SPANXN4: variants seen among roughly 807,000 people sequenced by gnomAD.
The protein encoded by SPANXN4 is sperm protein associated with the nucleus on the X chromosome N4.
SPANXN4 carries 5 observed loss-of-function variants against 6.0 expected under a neutral mutation model. The observed-to-expected ratio is 0.83, with a 90% confidence interval of 0.44 to 1.75. The LOEUF (loss-of-function observed/expected upper bound fraction) is 1.75. Among genes scored for constraint, SPANXN4 ranks in the 40% most tolerant of loss-of-function variants. The pLI is 0.02. For missense variants in SPANXN4, 157 were observed against 108.6 expected, an observed-to-expected ratio of 1.45 and a Z score of -1.98; for synonymous variants, 45 against 38.0, an observed-to-expected ratio of 1.19 and a Z score of -0.68.
intron 1 of SPANXN4, among the ~76,000 whole-genome samples, chrX:143,033,592 T>A (rs1348966222): frequency 9.0e-6 from 1 of 111,471 alleles, no homozygotes; most frequent in Non-Finnish European, 1.9e-5. Flanking sequence ...TGGCAGGATA[T>A]TGATAAGATA....
intron 1 of SPANXN4, among the ~76,000 whole-genome samples, chrX:143,028,316 G>A (rs1284819263): frequency 9.0e-6 from 1 of 110,885 alleles, no homozygotes; most frequent in Non-Finnish European, 1.9e-5. Flanking sequence ...GGAGTGTTTT[G>A]AGGATGGACT....
At chrX:143,029,939 T>C (rs1432802641) in intron 1 of SPANXN4, among the ~76,000 whole-genome samples, 1 of 111,438 alleles carries the variant, frequency 9.0e-6, no homozygotes, top group Admixed American at 9.5e-5. Flanking sequence ...GGCGTCGCCG[T>C]ATATTTGGCA....
chrX:143,026,825 T>A (rs1932781632), intron 1 of SPANXN4, among the ~76,000 whole-genome samples: 1 of 111,186 alleles, frequency 9.0e-6, no homozygotes. Flanking sequence ...TTGTAGTATT[T>A]GGAGGAGAAA....
chrX:143,032,612 C>T (rs1244915227), intron 1 of SPANXN4, among the ~76,000 whole-genome samples: 1 of 110,734 alleles, frequency 9.0e-6, no homozygotes, highest in Non-Finnish European at 1.9e-5. Flanking sequence ...GAGAGCAATC[C>T]ATGAACGGAG....
At chrX:143,035,880 A>G (rs979198372), downstream of SPANXN4, among the ~76,000 whole-genome samples, 4 of 108,058 alleles carry the variant, frequency 3.7e-5, no homozygotes, top group Non-Finnish European at 7.7e-5. Context: ...AGACTTGTTC[A>G]TCCTACATAT....
At chrX:143,035,520 T>A (rs151256980), downstream of SPANXN4, among the ~76,000 whole-genome samples, 855 of 110,738 alleles carry the variant, frequency 7.7e-3, 8 homozygotes, top group African/African-American at 0.027. Context: ...GTACCCACCT[T>A]CTGGTCCATG....
chrX:143,031,206 A>G (rs1193630788), intron 1 of SPANXN4, among the ~76,000 whole-genome samples: 1 of 111,055 alleles, frequency 9.0e-6, no homozygotes, highest in African/African-American at 3.3e-5. Flanking sequence ...AGGGTGTTGA[A>G]TAGATTGTAT....
intron 1 of SPANXN4, among the ~76,000 whole-genome samples, chrX:143,032,269 T>G (rs1569429459): frequency 1.8e-5 from 2 of 111,628 alleles, no homozygotes; most frequent in African/African-American, 6.5e-5. Context: ...GAACATGATC[T>G]CAGATTATGC....
downstream of SPANXN4, among the ~76,000 whole-genome samples, chrX:143,036,716 G>A (rs1932845480): frequency 8.9e-6 from 1 of 111,755 alleles, no homozygotes; most frequent in South Asian, 3.7e-4. Context: ...ATTCAAGTTT[G>A]CTTTTCTTTT....
At chrX:143,026,191 C>A (rs781535771) in intron 1 of SPANXN4, 99 bp downstream of exon 1, 9 of 724,228 alleles carry the variant, frequency 1.2e-5, no homozygotes, top group Non-Finnish European at 1.8e-5. Flanking sequence ...CAGACACCTG[C>A]AGAAATGTGG....
At chrX:143,035,086 A>C (rs1932836972), downstream of SPANXN4, among the ~76,000 whole-genome samples, 1 of 109,041 alleles carries the variant, frequency 9.2e-6, no homozygotes, top group South Asian at 4.0e-4. Context: ...AAAAAAAAAA[A>C]AAAAAAAAAA....
At chrX:143,034,346 T>C in intron 2 of SPANXN4, 35 bp downstream of exon 2, 1 of 1,024,658 alleles carries the variant, frequency 9.8e-7, no homozygotes. Context: ...TTTCTGATGG[T>C]GGGGAGGAAG....
At chrX:143,030,007 G>T (rs1216057884) in intron 1 of SPANXN4, among the ~76,000 whole-genome samples, 1 of 110,859 alleles carries the variant, frequency 9.0e-6, no homozygotes, top group Non-Finnish European at 1.9e-5. Flanking sequence ...AGGGCTTAGT[G>T]GGGTTAGGCA....
intron 1 of SPANXN4, among the ~76,000 whole-genome samples, chrX:143,030,035 C>T (rs1932800491): frequency 1.0e-5 from 1 of 97,950 alleles, no homozygotes; most frequent in African/African-American, 3.8e-5. Flanking sequence ...TGACAGGGCC[C>T]TTAAAAGGGC....
chrX:143,038,373 T>C (rs762931904), downstream of SPANXN4, among the ~76,000 whole-genome samples: 1 of 111,971 alleles, frequency 8.9e-6, no homozygotes, highest in South Asian at 3.7e-4. Flanking sequence ...CTCACTGAAA[T>C]TATCATTGGT....
At chrX:143,028,868 G>A (rs747363062) in intron 1 of SPANXN4, among the ~76,000 whole-genome samples, 3 of 111,399 alleles carry the variant, frequency 2.7e-5, no homozygotes, top group African/African-American at 9.8e-5. Flanking sequence ...TTTCAGATTG[G>A]CAGCCATGGT....
rs1932777191 is a variant in SPANXN4 at position 143,026,204 on chromosome X, C to CCAG, written c.78+114_78+116dup. 6.2e-6 allele frequency: 4 copies of CCAG among 645,576 alleles called. No homozygotes were observed. The Admixed American group carries it at 1.4e-4, about 22-fold the overall frequency. 53.2% of individuals were successfully genotyped at this position (645,576 alleles called of 1,213,427 possible). A position where few individuals can be genotyped will look rare whatever the true frequency, so the allele number is the denominator to read the frequency against. ...TGCAGACACCTGCAGAAATGTGGGG[C>CCAG]CAGCTTCATGCCAGAGCCCACCGCT... On this transcript the variant is annotated intron_variant, in intron 1 of 2. Coordinates refer to ENST00000370504, the Ensembl canonical transcript of SPANXN4.
downstream of SPANXN4, among the ~76,000 whole-genome samples, chrX:143,035,772 T>A (rs1239358265): frequency 1.8e-5 from 2 of 110,239 alleles, no homozygotes; most frequent in South Asian, 3.9e-4. Flanking sequence ...CTCTTCTCAC[T>A]TTTTTAAGTG....
intron 1 of SPANXN4, among the ~76,000 whole-genome samples, chrX:143,030,789 T>C (rs1932805704): frequency 9.0e-6 from 1 of 111,444 alleles, no homozygotes; most frequent in African/African-American, 3.3e-5. Flanking sequence ...GCAAGATCCA[T>C]CTGTCTTTTG....
Sources: allele counts gnomAD v4.1 joint callset (sites outside exome capture counted in the v4.1 genomes callset), GRCh38; gene constraint gnomAD v4.1.1; transcripts MANE v1.5; gene names NCBI Gene and HGNC (gene_info 2026-07-23, HGNC 2026-07-21).